NRG1: variants seen among roughly 807,000 people sequenced by gnomAD.
NRG1 encodes the protein neuregulin 1.
Under a neutral mutation model 63.8 loss-of-function variants are expected in NRG1, and 18 were observed. The ratio of observed to expected loss-of-function variants is 0.28; its 90% CI spans 0.19 to 0.42. NRG1 has a LOEUF of 0.42. Ranked by LOEUF, NRG1 falls within the 10% of genes least tolerant of loss-of-function variation. NRG1 has a pLI of 1.00. For synonymous variants in NRG1, 302 were observed against 301.3 expected (o/e 1.00, Z -0.02); for missense variants, 762 against 814.7 (o/e 0.94, Z 0.79).
At chr8:32,498,089 C>T (rs1235711227) in intron 1 of NRG1, among the ~76,000 whole-genome samples, 1 of 152,168 alleles carries the variant, frequency 6.6e-6, no homozygotes, top group Non-Finnish European at 1.5e-5. Context: ...TCCCAAAGTA[C>T]TGGGATTACA....
At chr8:32,489,335 T>G (rs1323311807) in intron 1 of NRG1, among the ~76,000 whole-genome samples, 1 of 152,204 alleles carries the variant, frequency 6.6e-6, no homozygotes, top group East Asian at 1.9e-4. Context: ...GTGAGCCCCC[T>G]GCCCAACTCC....
At chr8:32,200,031 A>AGCCT (rs1843345889) in intron 1 of NRG1, among the ~76,000 whole-genome samples, 1 of 152,166 alleles carries the variant, frequency 6.6e-6, no homozygotes, top group South Asian at 2.1e-4. Context: ...TGCCCGTCTC[A>AGCCT]GCCTCCCAAA....
At position 31,851,658 on chromosome 8, in the gene NRG1, T is replaced by G. The variant is rs1050631268; in HGVS notation, c.37+212227T>G. Among the ~76,000 whole-genome samples the G allele has an allele frequency of 3.3e-5, 5 of 151,966 alleles. No individual in the cohort carries two copies. The East Asian group carries it at 7.8e-4, about 24-fold the overall frequency. ...GTTTTAGGGTACATGTGCACAATGT[T>G]CAGGTTAGTTACATATGTATACATG... On this transcript the variant is annotated intron_variant, in intron 1 of 10. Transcript: ENST00000519301.
intron 1 of NRG1, among the ~76,000 whole-genome samples, chr8:32,434,184 CAAAAT>C (rs71208182): frequency 0.15 from 22,258 of 146,332 alleles, 2,191 homozygotes; most frequent in East Asian, 0.59. Context: ...GACTCCATCT[CAAAAT>C]AAAATAAAAT....
intron 1 of NRG1, among the ~76,000 whole-genome samples, chr8:31,764,349 C>T (rs543827421): frequency 6.6e-6 from 1 of 152,242 alleles, no homozygotes; most frequent in African/African-American, 2.4e-5. Flanking sequence ...ATTTTCATCA[C>T]TACAAGAATC....
intron 1 of NRG1, among the ~76,000 whole-genome samples, chr8:32,192,412 A>G (rs534745030): frequency 5.3e-5 from 8 of 152,298 alleles, no homozygotes; most frequent in African/African-American, 1.4e-4. Flanking sequence ...GCAGCCATAC[A>G]AAAGGTATGA....
In NRG1 at chr8:31,888,365, C is replaced by T. The variant is rs190585755; in HGVS notation, c.37+248934C>T. ...CAGTTCAGCAAAACAAAAGAGAATA[C>T]GCTTTGTTAAACCTCTACTTTCTGA... On this transcript the variant is annotated intron_variant, in intron 1 of 10. Transcript: ENST00000519301. 1.4e-4 allele frequency among the ~76,000 whole-genome samples: 21 copies of T among 152,148 alleles called. No homozygotes were observed. In the South Asian group the frequency reaches 1.5e-3, roughly 11 times the overall value.
chr8:32,619,784 G>C (rs1563782525), intron 5 of NRG1, among the ~76,000 whole-genome samples: 1 of 151,992 alleles, frequency 6.6e-6, no homozygotes, highest in Non-Finnish European at 1.5e-5. Context: ...TGTTTTACTT[G>C]TTTTTTTATA....
At chr8:31,765,435 T>C (rs2131541957) in intron 1 of NRG1, among the ~76,000 whole-genome samples, 1 of 152,328 alleles carries the variant, frequency 6.6e-6, no homozygotes, top group Non-Finnish European at 1.5e-5. Context: ...GCATTCAGTC[T>C]TTTATCATCA....
At chr8:32,601,563 T>C (rs1166927082) in intron 2 of NRG1, among the ~76,000 whole-genome samples, 2 of 152,136 alleles carry the variant, frequency 1.3e-5, no homozygotes, top group East Asian at 3.8e-4. Flanking sequence ...ATAATTTCCT[T>C]TTCCATATGC....
intron 1 of NRG1, among the ~76,000 whole-genome samples, chr8:32,029,176 T>C (rs1817901845): frequency 6.6e-6 from 1 of 152,224 alleles, no homozygotes; most frequent in Non-Finnish European, 1.5e-5. Context: ...AACACATTTT[T>C]CTTTGCATTT....
chr8:31,961,326 C>A (rs1381930605), intron 1 of NRG1, among the ~76,000 whole-genome samples: 1 of 152,112 alleles, frequency 6.6e-6, no homozygotes, highest in Non-Finnish European at 1.5e-5. Flanking sequence ...TAAATACATA[C>A]ATCTTTTTGC....
intron 1 of NRG1, among the ~76,000 whole-genome samples, chr8:32,110,702 G>A (rs951094989): frequency 5.9e-5 from 9 of 152,134 alleles, no homozygotes; most frequent in African/African-American, 2.2e-4. Flanking sequence ...AGATCCTTTT[G>A]AACTGCCCCA....
At chr8:31,929,309 G>C (rs1255430965) in intron 1 of NRG1, among the ~76,000 whole-genome samples, 1 of 151,990 alleles carries the variant, frequency 6.6e-6, no homozygotes, top group African/African-American at 2.4e-5. Context: ...TGTAGTTCTA[G>C]CTCTTAATAA....
intron 5 of NRG1, among the ~76,000 whole-genome samples, chr8:32,725,858 G>A (rs776158358): frequency 2.0e-5 from 3 of 152,006 alleles, no homozygotes; most frequent in Non-Finnish European, 4.4e-5. Context: ...TACATGAAAG[G>A]ATATTATGTT....
At chr8:32,224,873 T>C (rs1310872929) in intron 1 of NRG1, among the ~76,000 whole-genome samples, 12 of 152,222 alleles carry the variant, frequency 7.9e-5, no homozygotes, top group Admixed American at 7.9e-4. Flanking sequence ...AATCCATTTA[T>C]TCATATATAT....
chr8:31,956,590 C>T (rs1433993452), intron 1 of NRG1, among the ~76,000 whole-genome samples: 2 of 152,110 alleles, frequency 1.3e-5, no homozygotes, highest in East Asian at 3.9e-4. Flanking sequence ...TGCCACTGCA[C>T]TCCAGTCTGG....
At chr8:32,119,951 G>A (rs1833223737) in intron 1 of NRG1, among the ~76,000 whole-genome samples, 2 of 152,060 alleles carry the variant, frequency 1.3e-5, no homozygotes, top group African/African-American at 4.8e-5. Context: ...TGGATAACAA[G>A]TTGGCAACCT....
chr8:32,156,165 T>C (rs1838039649), intron 1 of NRG1, among the ~76,000 whole-genome samples: 1 of 152,194 alleles, frequency 6.6e-6, no homozygotes, highest in Admixed American at 6.5e-5. Context: ...CTCTTTGAGT[T>C]CCTCCTCCTC....
Sources: gnomAD v4.1 joint callset for allele counts (sites outside exome capture counted in the v4.1 genomes callset) on GRCh38, gnomAD v4.1.1 for gene constraint, MANE v1.5 for transcripts, NCBI Gene and HGNC (gene_info 2026-07-23, HGNC 2026-07-21) for gene names.